Variants in VPS8 observed in about 807,000 individuals in gnomAD.
The protein encoded by VPS8 is vacuolar protein sorting-associated protein 8 homolog.
A neutral mutation model predicts 216.4 loss-of-function variants in VPS8; 129 were observed. The observed-to-expected ratio is 0.60, with a 90% confidence interval of 0.52 to 0.69. The LOEUF is 0.69. Among genes scored for constraint, VPS8 ranks in the 30% least tolerant of loss-of-function variants. The probability of loss-of-function intolerance (pLI) is 0.00; values close to 1 mark genes in which losing one functional copy is unlikely to be tolerated. For missense variants in VPS8, 1,531 were observed against 1,683.5 expected (o/e 0.91, Z 1.59); for synonymous variants, 571 against 565.4 (o/e 1.01, Z -0.14).
chr3:185,005,625 T>TTTTA (rs58712087), intron 45 of VPS8, among the ~76,000 whole-genome samples: 17,660 of 150,236 alleles, frequency 0.12, 1,178 homozygotes, highest in African/African-American at 0.16. Context: ...ATTTTATTTA[T>TTTTA]TTTATTTATT....
intron 45 of VPS8, among the ~76,000 whole-genome samples, chr3:185,021,689 A>G (rs1756684238): frequency 6.6e-6 from 1 of 152,232 alleles, no homozygotes; most frequent in Admixed American, 6.5e-5. Flanking sequence ...CAGTCTGGAC[A>G]GCTAGCAGTT....
chr3:184,863,173 G>T (rs2108740129), intron 16 of VPS8, 106 bp downstream of exon 16: 6 of 1,352,934 alleles, frequency 4.4e-6, no homozygotes, highest in Admixed American at 4.5e-5. Flanking sequence ...ACCTTTTTCT[G>T]TCTTGAGGTG....
At chr3:184,960,617 G>A (rs1746350615) in intron 37 of VPS8, among the ~76,000 whole-genome samples, 1 of 152,118 alleles carries the variant, frequency 6.6e-6, no homozygotes, top group Non-Finnish European at 1.5e-5. Context: ...ATATAATTTA[G>A]CACATCAGAT....
intron 8 of VPS8, 33 bp from the exon 9 acceptor site, chr3:184,849,038 C>T (rs1723740602): frequency 1.2e-6 from 2 of 1,609,964 alleles, no homozygotes; most frequent in Non-Finnish European, 1.7e-6. Flanking sequence ...TCTTGCATTT[C>T]CTTCACTTGA....
In VPS8 at chr3:184,835,589, T is replaced by C. The variant is rs374908435; in HGVS notation, c.447+847T>C. 4.6e-5 allele frequency among the ~76,000 whole-genome samples: 7 copies of C among 152,358 alleles called. No homozygotes were observed. The East Asian group carries it at 1.3e-3, about 29-fold the overall frequency. ...CTGAGTACAATGTACAGATTCTGTA[T>C]ATAATGATAATGACAGATTTATACT... On this transcript the variant is annotated intron_variant, in intron 5 of 47. Coordinates refer to ENST00000625842, the MANE Select transcript of VPS8 (RefSeq NM_001009921.3).
intron 22 of VPS8, among the ~76,000 whole-genome samples, chr3:184,893,010 C>G (rs1219004857): frequency 6.6e-6 from 1 of 151,926 alleles, no homozygotes; most frequent in Non-Finnish European, 1.5e-5. Flanking sequence ...AATCGGTCAT[C>G]ACAAAAATAT....
In VPS8 at chr3:184,855,724, G is replaced by A. The variant is rs1409213654; in HGVS notation, c.1049G>A (p.Ser350Asn). ...TFPYGRMDPS[S>N]VPLLAWHFVA... is the part of the protein sequence containing the mutation. ...CTCCCTACTTAGATGGATCCTTCCA[G>A]TGTGCCACTGCTGGCCTGGCACTTT... The change falls in exon 14 of 48, where the codon AGT (serine) becomes AAT (asparagine). Residue 350 changes from serine (S) to asparagine (N), a missense_variant. Physicochemically the swap from Ser to Asn is conservative, Grantham distance 46. Transcript: ENST00000625842. The A allele has an allele frequency of 1.2e-6, 2 of 1,612,254 alleles. No individual in the cohort carries two copies. The highest frequency in any genetic ancestry group is 8.5e-7 in the Non-Finnish European group (1 of 1,179,330).
chr3:184,855,888 C>A lies in VPS8; in HGVS notation c.1143+70C>A, dbSNP rs1287731240. On this transcript the variant is annotated intron_variant, in intron 14 of 47. Transcript: ENST00000625842. Reference sequence around the variant, plus strand: ...TATTCATCAGCAATTAATAATGTGTCAGAGAAATTTGTGTTACTATCCTAA... The same window carrying A: ...TATTCATCAGCAATTAATAATGTGTAAGAGAAATTTGTGTTACTATCCTAA... The A allele has an allele frequency of 4.0e-6, 5 of 1,251,282 alleles. No homozygotes were observed. In the African/African-American group the frequency reaches 4.7e-5, roughly 12 times the overall value. 77.5% of individuals were successfully genotyped at this position (1,251,282 alleles called of 1,614,324 possible).
chr3:184,929,692 T>C, intron 33 of VPS8, 28 bp downstream of exon 33: 2 of 1,351,164 alleles, frequency 1.5e-6, no homozygotes, highest in Non-Finnish European at 9.9e-7. Flanking sequence ...TTTACTCTTT[T>C]TTCTTACTCA....
chr3:184,977,310 G>GT, intron 40 of VPS8, among the ~76,000 whole-genome samples: 1 of 151,920 alleles, frequency 6.6e-6, no homozygotes, highest in Non-Finnish European at 1.5e-5. Context: ...GGAGTTATTT[G>GT]TTTTTTGCTT....
intron 24 of VPS8, among the ~76,000 whole-genome samples, chr3:184,899,042 G>A (rs1734015628): frequency 1.3e-5 from 2 of 152,058 alleles, no homozygotes; most frequent in Admixed American, 6.6e-5. Context: ...AATGCTATTT[G>A]TAGATATATT....
At chr3:184,823,882 T>G (rs1014700418) in intron 1 of VPS8, among the ~76,000 whole-genome samples, 1 of 152,236 alleles carries the variant, frequency 6.6e-6, no homozygotes, top group Non-Finnish European at 1.5e-5. Flanking sequence ...TATAAGTTTC[T>G]AGTTTTCTTT....
intron 1 of VPS8, among the ~76,000 whole-genome samples, chr3:184,819,570 G>A (rs1392805700): frequency 6.6e-6 from 1 of 152,162 alleles, no homozygotes; most frequent in Non-Finnish European, 1.5e-5. Flanking sequence ...TCCATCATTG[G>A]TGCATATATT....
At chr3:185,026,669 A>G (rs1299037873) in intron 46 of VPS8, among the ~76,000 whole-genome samples, 2 of 148,958 alleles carry the variant, frequency 1.3e-5, no homozygotes, top group African/African-American at 5.0e-5. Flanking sequence ...TTGGCCTCCC[A>G]AAGTGCTGGG....
chr3:184,850,109 G>A, intron 10 of VPS8, 87 bp downstream of exon 10: 1 of 1,088,532 alleles, frequency 9.2e-7, no homozygotes, highest in Non-Finnish European at 1.3e-6. Flanking sequence ...TTGATGATCA[G>A]AGTCCAAAAA....
intron 29 of VPS8, among the ~76,000 whole-genome samples, chr3:184,921,654 C>T (rs996020221): frequency 2.6e-5 from 4 of 151,980 alleles, no homozygotes; most frequent in Non-Finnish European, 5.9e-5. Context: ...GCTCACTACT[C>T]CTGGGTTCAA....
intron 20 of VPS8, 124 bp from the exon 21 acceptor site, chr3:184,870,592 A>G: frequency 1.3e-6 from 1 of 749,898 alleles, no homozygotes; most frequent in South Asian, 2.1e-5. Flanking sequence ...AAATAAAGCC[A>G]CTAAAATTTT....
chr3:184,845,146 A>G (rs1352790813), intron 8 of VPS8, among the ~76,000 whole-genome samples: 1 of 152,194 alleles, frequency 6.6e-6, no homozygotes, highest in Admixed American at 6.5e-5. Flanking sequence ...GAGGAGGAGA[A>G]TAGAATTTTT....
rs1225082785 is a variant in VPS8 at position 185,042,823 on chromosome 3, G to T, written c.4057-5656G>T. On this transcript the variant is annotated intron_variant, in intron 46 of 47. Coordinates refer to ENST00000625842, the MANE Select transcript of VPS8 (RefSeq NM_001009921.3). ...ATATATAATGAGATGATCAGCTTTTGTCACCACAGATTTTCCCCCAAGCTG... is the reference window on the plus strand; with the variant it reads ...ATATATAATGAGATGATCAGCTTTTTTCACCACAGATTTTCCCCCAAGCTG... Among the ~76,000 whole-genome samples, 3 of 152,076 alleles carry T rather than the reference G, an allele frequency of 2.0e-5. No homozygotes were observed. The East Asian group carries it at 5.8e-4, about 29-fold the overall frequency.
Sources: gnomAD v4.1 joint callset for allele counts (sites outside exome capture counted in the v4.1 genomes callset) on GRCh38, gnomAD v4.1.1 for gene constraint, MANE v1.5 for transcripts, NCBI Gene and HGNC (gene_info 2026-07-23, HGNC 2026-07-21) for gene names.